The following GRIA1 variants were observed in gnomAD, a reference collection of about 807,000 sequenced individuals.
GRIA1 encodes the protein glutamate receptor 1.
Under a neutral mutation model 99.2 loss-of-function variants are expected in GRIA1, and 31 were observed. The observed-to-expected ratio is 0.31, with a 90% CI of 0.23 to 0.42. GRIA1 has a LOEUF of 0.42. Among genes scored for constraint, GRIA1 ranks in the 10% least tolerant of loss-of-function variants. The pLI, the probability that GRIA1 is intolerant of heterozygous loss-of-function variation, is 1.00. For synonymous variants in GRIA1, 438 were observed against 432.4 expected (o/e 1.01, Z -0.16); for missense variants, 782 against 1,157.5 (o/e 0.68, Z 4.71).
At chr5:153,513,399 C>T (rs1278856873) in intron 2 of GRIA1, among the ~76,000 whole-genome samples, 1 of 152,102 alleles carries the variant, frequency 6.6e-6, no homozygotes. Context: ...AATTCCCCCG[C>T]CAACGCAGAT....
At chr5:153,802,711 A>G (rs564529650) in intron 15 of GRIA1, among the ~76,000 whole-genome samples, 1 of 152,218 alleles carries the variant, frequency 6.6e-6, no homozygotes, top group East Asian at 1.9e-4. Flanking sequence ...CCAAGAAAAA[A>G]ATTGCATTTG....
chr5:153,557,741 C>G (rs1054229440), intron 2 of GRIA1: 17 of 152,250 alleles, frequency 1.1e-4, no homozygotes, highest in African/African-American at 4.1e-4. Flanking sequence ...ATGCATTAGC[C>G]TAGGCCTACA....
intron 2 of GRIA1, among the ~76,000 whole-genome samples, chr5:153,641,186 T>A: frequency 6.6e-6 from 1 of 152,138 alleles, no homozygotes; most frequent in Non-Finnish European, 1.5e-5. Flanking sequence ...AAAATGAAGC[T>A]GTCCTGTCAC....
At chr5:153,690,469 A>G (rs918472257) in intron 8 of GRIA1, among the ~76,000 whole-genome samples, 1 of 152,170 alleles carries the variant, frequency 6.6e-6, no homozygotes, top group Non-Finnish European at 1.5e-5. Flanking sequence ...TTTGCCTCCC[A>G]GGATCACTGT....
chr5:153,499,918 C>T (rs1754825392), intron 2 of GRIA1, among the ~76,000 whole-genome samples: 1 of 152,166 alleles, frequency 6.6e-6, no homozygotes, highest in Admixed American at 6.5e-5. Flanking sequence ...ATGCTTGTTA[C>T]CATGTGGTGG....
intron 7 of GRIA1, among the ~76,000 whole-genome samples, chr5:153,685,011 CA>C (rs1757246478): frequency 6.6e-6 from 1 of 152,136 alleles, no homozygotes; most frequent in Non-Finnish European, 1.5e-5. Flanking sequence ...ACACAACCCC[CA>C]ACTCTTCTTA....
chr5:153,562,315 C>T (rs1257571270), intron 2 of GRIA1, among the ~76,000 whole-genome samples: 1 of 151,986 alleles, frequency 6.6e-6, no homozygotes, highest in Non-Finnish European at 1.5e-5. Context: ...GGATGTGAGA[C>T]TTGGAGTGGG....
At chr5:153,793,014 T>A (rs1276896290) in intron 13 of GRIA1, among the ~76,000 whole-genome samples, 1 of 152,122 alleles carries the variant, frequency 6.6e-6, no homozygotes, top group Non-Finnish European at 1.5e-5. Flanking sequence ...TGCCACAGTC[T>A]AGTTAGCTGC....
At chr5:153,535,096 A>G (rs72800748) in intron 2 of GRIA1, among the ~76,000 whole-genome samples, 27,094 of 151,902 alleles carry the variant, frequency 0.18, 2,511 homozygotes, top group South Asian at 0.29. Flanking sequence ...AAAGTTCTGT[A>G]TCTTTAGTAG....
chr5:153,678,322 C>A (rs968144876), intron 7 of GRIA1, among the ~76,000 whole-genome samples: 7 of 152,210 alleles, frequency 4.6e-5, no homozygotes, highest in Non-Finnish European at 1.5e-5. Flanking sequence ...AGGAACCTCA[C>A]CAGCTGTTCC....
At chr5:153,761,372 C>T (rs900849047) in intron 11 of GRIA1, among the ~76,000 whole-genome samples, 2 of 152,030 alleles carry the variant, frequency 1.3e-5, no homozygotes, top group East Asian at 3.8e-4. Flanking sequence ...ATAGACTTTT[C>T]TCAAAAAATA....
At chr5:153,567,191 C>G (rs1056558126) in intron 2 of GRIA1, among the ~76,000 whole-genome samples, 1 of 152,120 alleles carries the variant, frequency 6.6e-6, no homozygotes, top group African/African-American at 2.4e-5. Context: ...CATTATGTGT[C>G]AGGAACTTTT....
intron 13 of GRIA1, among the ~76,000 whole-genome samples, chr5:153,784,629 T>G (rs1330405135): frequency 2.0e-5 from 3 of 152,160 alleles, no homozygotes; most frequent in African/African-American, 7.2e-5. Context: ...TGCATTTTAA[T>G]TGAGGCTCCT....
chr5:153,499,192 T>C (rs1312310978), intron 2 of GRIA1, among the ~76,000 whole-genome samples: 2 of 152,224 alleles, frequency 1.3e-5, no homozygotes, highest in African/African-American at 4.8e-5. Flanking sequence ...TATCCCCATT[T>C]CATTGATGAT....
At chr5:153,491,395 A>G in intron 1 of GRIA1, 1 of 739,640 alleles carries the variant, frequency 1.4e-6, no homozygotes, top group Non-Finnish European at 1.7e-6. Context: ...GCACATATAT[A>G]TGTAATTGAA....
chr5:153,700,670 G>A (rs1270673750), intron 10 of GRIA1, among the ~76,000 whole-genome samples: 1 of 152,138 alleles, frequency 6.6e-6, no homozygotes, highest in East Asian at 1.9e-4. Context: ...GTGCAGGGAA[G>A]GGACCACCAC....
intron 5 of GRIA1, among the ~76,000 whole-genome samples, chr5:153,657,737 T>C (rs1581415879): frequency 6.6e-6 from 1 of 152,186 alleles, no homozygotes; most frequent in Non-Finnish European, 1.5e-5. Flanking sequence ...TCAACTAACT[T>C]GTCTTGGCAA....
chr5:153,705,741 G>C lies in GRIA1; in HGVS notation c.1497G>C (p.Arg499=). The C allele has an allele frequency of 6.5e-7, 1 of 1,529,464 alleles. No homozygotes were observed. Among genetic ancestry groups the C allele is most frequent in the South Asian group, 1.1e-5 (1 of 89,456 alleles). 94.7% of individuals were successfully genotyped at this position (1,529,464 alleles called of 1,614,324 possible). A position where few individuals can be genotyped will look rare whatever the true frequency, so the allele number is the denominator to read the frequency against. The part of the protein sequence containing the change: ...AVAPLTITLV[R]EEVIDFSKPF... ...CTCCCTTAACTATCACTTTGGTCCG[G>C]GAAGAAGTTATAGATTTCTCCAAAC... The change falls in exon 11 of 16, where the codon CGG becomes CGC. Residue 499 remains arginine (R), a synonymous_variant. Coordinates refer to ENST00000285900, the MANE Select transcript of GRIA1 (RefSeq NM_000827.4).
At chr5:153,807,047 C>T (rs879126937) in intron 15 of GRIA1, among the ~76,000 whole-genome samples, 1 of 152,348 alleles carries the variant, frequency 6.6e-6, no homozygotes, top group Admixed American at 6.5e-5. Flanking sequence ...CAGTCCCAGC[C>T]ACAGTGCTGC....
Sources: allele counts gnomAD v4.1 joint callset (sites outside exome capture counted in the v4.1 genomes callset), GRCh38; gene constraint gnomAD v4.1.1; transcripts MANE v1.5; gene names NCBI Gene and HGNC (gene_info 2026-07-23, HGNC 2026-07-21).